HTR1E: variants seen among roughly 807,000 people sequenced by gnomAD.
HTR1E encodes the protein 5-HT-1E.
A neutral mutation model predicts 3.4 loss-of-function variants in HTR1E; 3 were observed. The observed-to-expected ratio is 0.89, with a 90% CI of 0.41 to 2.31. The LOEUF is 2.31. Ranked by LOEUF, HTR1E falls within the 30% of genes most tolerant of loss-of-function variation. The probability of loss-of-function intolerance (pLI) is 0.05; values close to 1 mark genes in which losing one functional copy is unlikely to be tolerated. For missense variants in HTR1E, 392 were observed against 467.0 expected (o/e 0.84, Z 1.48); for synonymous variants, 170 against 182.8 (o/e 0.93, Z 0.56).
chr6:86,997,868 G>T (rs1767966389), intron 1 of HTR1E, among the ~76,000 whole-genome samples: 1 of 151,602 alleles, frequency 6.6e-6, no homozygotes, highest in Non-Finnish European at 1.5e-5. Flanking sequence ...TTAATATAAA[G>T]ATATAAATAG....
At chr6:86,988,046 A>G (rs1767816208) in intron 1 of HTR1E, among the ~76,000 whole-genome samples, 1 of 152,184 alleles carries the variant, frequency 6.6e-6, no homozygotes, top group Non-Finnish European at 1.5e-5. Context: ...CTTCACAATA[A>G]CTTTGTCAAG....
intron 1 of HTR1E, among the ~76,000 whole-genome samples, chr6:87,010,115 C>T (rs1768187864): frequency 7.5e-6 from 1 of 133,116 alleles, no homozygotes; most frequent in Non-Finnish European, 1.6e-5. Context: ...AGGGGCTCCT[C>T]ACTTCCCAGT....
chr6:86,946,993 G>A (rs1303777788), intron 1 of HTR1E, among the ~76,000 whole-genome samples: 10 of 152,138 alleles, frequency 6.6e-5, no homozygotes, highest in Non-Finnish European at 2.9e-5. Flanking sequence ...GCACATGGCT[G>A]TAATCCCAGC....
At chr6:87,010,976 T>C (rs1229245193) in intron 1 of HTR1E, among the ~76,000 whole-genome samples, 1 of 152,244 alleles carries the variant, frequency 6.6e-6, no homozygotes, top group African/African-American at 2.4e-5. Flanking sequence ...AATGATTGCA[T>C]AATCAAAAGG....
rs748351958 is a variant in HTR1E, at chr6:87,015,455, T to C, written c.121T>C (p.Leu41=). 2 of 1,614,066 alleles carry C rather than the reference T, an allele frequency of 1.2e-6. No individual in the cohort carries two copies. Residue 41 remains leucine, a synonymous_variant, in exon 2 of 2, where the codon TTG becomes CTG. Coordinates refer to ENST00000305344, the MANE Select transcript of HTR1E (RefSeq NM_000865.3). ...CACCACCCTCACCACGTTGCTGAAC[T>C]TGGCTGTGATCATGGCTATTGGCAC... The part of the protein sequence containing the change: ...VITTLTTLLN[L]AVIMAIGTTK...
rs374499566 is a variant in HTR1E at position 86,987,502 on chromosome 6, C to CAT, written c.-185-27633_-185-27632dup. Reference sequence around the variant, plus strand: ...ACAGAATTTTGAGCAATAATAGAAACATATATATATATATATGTTCAATCC... The same window carrying CAT: ...ACAGAATTTTGAGCAATAATAGAAACATATATATATATATATATGTTCAATCC... On this transcript the variant is annotated intron_variant, in intron 1 of 1. Transcript: ENST00000305344. 4.7e-3 allele frequency among the ~76,000 whole-genome samples: 709 copies of CAT among 149,474 alleles called. 7 individuals are homozygous for CAT. Among genetic ancestry groups the CAT allele is most frequent in the East Asian group, 0.015 (79 of 5,124 alleles).
intron 1 of HTR1E, among the ~76,000 whole-genome samples, chr6:87,008,908 AAAAAT>A (rs1206231649): frequency 1.6e-4 from 24 of 152,302 alleles, no homozygotes; most frequent in Non-Finnish European, 3.1e-4. Context: ...CTCCTCCTCT[AAAAAT>A]AACCACTCTC....
chr6:86,959,293 C>T (rs1001592461), intron 1 of HTR1E, among the ~76,000 whole-genome samples: 1 of 152,048 alleles, frequency 6.6e-6, no homozygotes, highest in Non-Finnish European at 1.5e-5. Context: ...GAAGAAAAAA[C>T]ACTCAGCTGA....
chr6:86,959,729 A>C (rs1767380085), intron 1 of HTR1E, among the ~76,000 whole-genome samples: 1 of 152,208 alleles, frequency 6.6e-6, no homozygotes, highest in African/African-American at 2.4e-5. Context: ...AGAAGGGGCA[A>C]GTTTTGTGTA....
At chr6:86,961,094 C>T (rs1767401495) in intron 1 of HTR1E, among the ~76,000 whole-genome samples, 1 of 152,082 alleles carries the variant, frequency 6.6e-6, no homozygotes, top group South Asian at 2.1e-4. Context: ...TTCCAAATAC[C>T]ATTATATGCT....
intron 1 of HTR1E, among the ~76,000 whole-genome samples, chr6:86,945,820 G>A (rs1486366826): frequency 6.6e-6 from 1 of 151,492 alleles, no homozygotes; most frequent in Admixed American, 6.6e-5. Context: ...TCACTGCAAC[G>A]TCCGCCTCCC....
chr6:86,999,055 G>A (rs1317461003), intron 1 of HTR1E, among the ~76,000 whole-genome samples: 2 of 152,138 alleles, frequency 1.3e-5, no homozygotes, highest in Admixed American at 6.5e-5. Flanking sequence ...TGCCTCTTGG[G>A]TTCAAACGAT....
intron 1 of HTR1E, among the ~76,000 whole-genome samples, chr6:86,985,178 C>G (rs1274939043): frequency 6.6e-6 from 1 of 152,070 alleles, no homozygotes; most frequent in African/African-American, 2.4e-5. Context: ...TGCTCTCAAT[C>G]CCATATAGGA....
chr6:87,006,019 C>T (rs1207703368), intron 1 of HTR1E, among the ~76,000 whole-genome samples: 3 of 152,138 alleles, frequency 2.0e-5, no homozygotes, highest in Non-Finnish European at 4.4e-5. Context: ...CAAATCAAAA[C>T]TACAATGAGA....
chr6:86,982,219 C>T (rs1767725140), intron 1 of HTR1E, among the ~76,000 whole-genome samples: 1 of 152,222 alleles, frequency 6.6e-6, no homozygotes, highest in Admixed American at 6.5e-5. Context: ...CTCTTCCCTT[C>T]CACCATAATT....
chr6:86,946,977 G>A (rs764856027), intron 1 of HTR1E, among the ~76,000 whole-genome samples: 7 of 152,118 alleles, frequency 4.6e-5, no homozygotes, highest in South Asian at 2.1e-4. Flanking sequence ...TTAGCCATGC[G>A]TGGTGGCACA....
chr6:86,988,915 C>T lies in HTR1E; in HGVS notation c.-185-26235C>T, dbSNP rs532594171. On this transcript the variant is annotated intron_variant, in intron 1 of 1. Transcript: ENST00000305344. ...GTGTGTATGTTTGATAGAAAGACTACGTGTTCAAAGTTAAAACCAGGAATT... is the reference window on the plus strand; with the variant it reads ...GTGTGTATGTTTGATAGAAAGACTATGTGTTCAAAGTTAAAACCAGGAATT... Among the ~76,000 whole-genome samples, 102 of 152,182 alleles carry T rather than the reference C, an allele frequency of 6.7e-4. No individual in the cohort carries two copies. In the South Asian group the frequency reaches 0.013, roughly 20 times the overall value.
intron 1 of HTR1E, among the ~76,000 whole-genome samples, chr6:86,938,598 G>A (rs1210086409): frequency 6.6e-6 from 1 of 152,202 alleles, no homozygotes; most frequent in Non-Finnish European, 1.5e-5. Flanking sequence ...AAAGGACCTT[G>A]TATTCAACCC....
At chr6:86,967,876 A>T (rs575633272) in intron 1 of HTR1E, among the ~76,000 whole-genome samples, 1 of 152,292 alleles carries the variant, frequency 6.6e-6, no homozygotes, top group Non-Finnish European at 1.5e-5. Context: ...GATTTGTTGG[A>T]GCATGAAAGG....
Sources: allele counts gnomAD v4.1 joint callset (sites outside exome capture counted in the v4.1 genomes callset), GRCh38; gene constraint gnomAD v4.1.1; transcripts MANE v1.5; gene names NCBI Gene and HGNC (gene_info 2026-07-23, HGNC 2026-07-21).